The following SEMA3A variants were observed in gnomAD, a reference collection of about 807,000 sequenced individuals.
The protein encoded by SEMA3A is semaphorin 3A, also known as semaphorin-3A.
Under a neutral mutation model 97.9 loss-of-function variants are expected in SEMA3A, and 29 were observed. That is an observed-to-expected ratio of 0.30 (90% confidence interval 0.22 to 0.40). The LOEUF (loss-of-function observed/expected upper bound fraction) is 0.40. SEMA3A is among the 10% of genes least tolerant of loss of function. SEMA3A has a pLI of 1.00. For missense variants in SEMA3A, 763 were observed against 951.3 expected, an observed-to-expected ratio of 0.80 and a Z score of 2.60; for synonymous variants, 321 against 323.7, an observed-to-expected ratio of 0.99 and a Z score of 0.09.
intron 2 of SEMA3A, among the ~76,000 whole-genome samples, chr7:84,132,359 A>G (rs1212799333): frequency 6.8e-6 from 1 of 147,662 alleles, no homozygotes; most frequent in African/African-American, 2.5e-5. Context: ...ATACTGTGAT[A>G]TATTCTGAGT....
intron 1 of SEMA3A, among the ~76,000 whole-genome samples, chr7:84,146,344 T>C (rs760962803): frequency 1.2e-3 from 180 of 152,272 alleles, no homozygotes; most frequent in Non-Finnish European, 2.8e-4. Flanking sequence ...AGAGCATACA[T>C]GACTTCGCCA....
intron 3 of SEMA3A, among the ~76,000 whole-genome samples, chr7:84,124,746 T>C (rs2116000948): frequency 6.6e-6 from 1 of 152,254 alleles, no homozygotes; most frequent in Admixed American, 6.5e-5. Context: ...TAGCTATTTC[T>C]AAAATCATAT....
intron 1 of SEMA3A, among the ~76,000 whole-genome samples, chr7:84,172,793 G>C (rs1314373711): frequency 6.6e-6 from 1 of 152,198 alleles, no homozygotes; most frequent in Non-Finnish European, 1.5e-5. Flanking sequence ...CAGGCAGCAG[G>C]CTGGATTTAG....
intron 1 of SEMA3A, among the ~76,000 whole-genome samples, chr7:84,387,510 G>A (rs1454325554): frequency 6.6e-6 from 1 of 152,076 alleles, no homozygotes; most frequent in Non-Finnish European, 1.5e-5. Context: ...TTTTGTTTTG[G>A]ACAAAAACCT....
rs1017522662 is a variant in SEMA3A at position 83,959,548 on chromosome 7, G to A, written c.*1823C>T. ...TTTAGGCTTTTGTTTGAAACAAGTG[G>A]CAACAACTTGTTTATTCAAGGCAGT... On this transcript the variant is annotated 3_prime_UTR_variant, in exon 17 of 17. Transcript: ENST00000265362. The A allele has an allele frequency of 2.0e-5, 3 of 151,948 alleles. No individual in the cohort carries two copies. The highest frequency in any genetic ancestry group is 6.6e-5 in the Admixed American group (1 of 15,248). 9.4% of individuals were successfully genotyped at this position (151,948 alleles called of 1,614,324 possible).
chr7:84,054,847 G>A lies in SEMA3A; in HGVS notation c.547+5618C>T, dbSNP rs781731987. 3.1e-3 allele frequency among the ~76,000 whole-genome samples: 471 copies of A among 149,572 alleles called. 3 individuals carry two copies. Among genetic ancestry groups the A allele is most frequent in the Admixed American group, 5.6e-3 (83 of 14,920 alleles). ...CATCTTTGTGGTTTTATCTACTTTT[G>A]GTCTTTGATGATGGTGATGCACAGA... On this transcript the variant is annotated intron_variant, in intron 5 of 16. Transcript: ENST00000265362.
At chr7:84,026,993 T>TA (rs1791571186) in intron 6 of SEMA3A, among the ~76,000 whole-genome samples, 1 of 151,736 alleles carries the variant, frequency 6.6e-6, no homozygotes, top group Admixed American at 6.6e-5. Flanking sequence ...CCCCCAAACC[T>TA]AAAATAAAAG....
intron 4 of SEMA3A, among the ~76,000 whole-genome samples, chr7:84,073,456 A>C (rs1020035600): frequency 6.6e-6 from 1 of 152,216 alleles, no homozygotes; most frequent in African/African-American, 2.4e-5. Context: ...GACAATGAGG[A>C]ATACATACAT....
intron 4 of SEMA3A, among the ~76,000 whole-genome samples, chr7:84,075,625 T>G (rs984494634): frequency 8.6e-5 from 13 of 151,786 alleles, no homozygotes; most frequent in African/African-American, 3.1e-4. Flanking sequence ...CCCCACTAAT[T>G]TTTGTAGTTT....
rs189831434 is a variant in SEMA3A at position 84,146,717 on chromosome 7, T to C, written c.113-11766A>G. ...GTGAGATGATTAGTCAGTAAAAATT[T>C]AGAATTAAAGTGTAGATTCTTCTTT... On this transcript the variant is annotated intron_variant, in intron 1 of 16. Transcript: ENST00000265362. Among the ~76,000 whole-genome samples, 6 of 152,336 alleles carry C rather than the reference T, an allele frequency of 3.9e-5. No individual in the cohort carries two copies. The East Asian group carries it at 1.2e-3, about 29-fold the overall frequency.
intron 1 of SEMA3A, among the ~76,000 whole-genome samples, chr7:84,376,000 T>C (rs2116118566): frequency 6.6e-6 from 1 of 152,316 alleles, no homozygotes; most frequent in African/African-American, 2.4e-5. Flanking sequence ...GTTCCATCCA[T>C]GTCCTTACAT....
At chr7:84,311,015 T>C (rs1801300515) in intron 2 of SEMA3A, among the ~76,000 whole-genome samples, 1 of 151,122 alleles carries the variant, frequency 6.6e-6, no homozygotes. Context: ...TATATATATA[T>C]ATTTCTAATG....
intron 3 of SEMA3A, among the ~76,000 whole-genome samples, chr7:84,228,474 T>A (rs1323712148): frequency 2.0e-5 from 3 of 152,114 alleles, no homozygotes; most frequent in African/African-American, 7.2e-5. Flanking sequence ...CCTCTCTCTA[T>A]CTTGTTTATC....
chr7:84,001,971 TC>T lies in SEMA3A; in HGVS notation c.1435del (p.Glu479LysfsTer2). ...WYDLEEVLLE[E>X]MTVFREPTAI... ...AGCACTCACCCGAAAAACTGTCATT[TC>T]TTCCAGCAGAACCTCTTCTAAATCA... On this transcript the variant is annotated frameshift_variant, in exon 12 of 17. Coordinates refer to ENST00000265362, the MANE Select transcript of SEMA3A (RefSeq NM_006080.3). LOFTEE classifies it high-confidence loss of function. The T allele has an allele frequency of 6.2e-7, 1 of 1,612,206 alleles. No homozygotes were observed. Among genetic ancestry groups the T allele is most frequent in the Non-Finnish European group, 8.5e-7 (1 of 1,178,684 alleles).
chr7:84,151,341 A>C lies in SEMA3A; in HGVS notation c.113-16390T>G, dbSNP rs569258453. On this transcript the variant is annotated intron_variant, in intron 1 of 16. Transcript: ENST00000265362. ...AAAGGCAAAGAAATTGAAAACTTTG[A>C]AAAAAATTTAGAAGAATGTATAACT... is the stretch of plus-strand genomic sequence containing the variant. 9.6e-3 allele frequency among the ~76,000 whole-genome samples: 1,453 copies of C among 151,254 alleles called. 25 individuals carry two copies. Among genetic ancestry groups the C allele is most frequent in the African/African-American group, 0.033 (1,352 of 41,396 alleles).
At chr7:84,229,042 A>G (rs938271118) in intron 3 of SEMA3A, among the ~76,000 whole-genome samples, 9 of 151,946 alleles carry the variant, frequency 5.9e-5, no homozygotes, top group African/African-American at 1.9e-4. Flanking sequence ...TGTCTTTCAT[A>G]TCTCCTTTTT....
chr7:84,243,613 A>AT (rs140021880), intron 3 of SEMA3A, among the ~76,000 whole-genome samples: 11,118 of 151,622 alleles, frequency 0.073, 1,391 homozygotes, highest in African/African-American at 0.25. Context: ...GGATTCATTG[A>AT]TTTTTTTTGT....
intron 4 of SEMA3A, among the ~76,000 whole-genome samples, chr7:84,096,282 T>C (rs1226158032): frequency 1.3e-5 from 2 of 152,052 alleles, no homozygotes; most frequent in African/African-American, 4.8e-5. Flanking sequence ...GAGTTTAAAT[T>C]TTCTATATTA....
upstream of SEMA3A, among the ~76,000 whole-genome samples, chr7:84,198,153 T>G (rs1331431747): frequency 6.6e-6 from 1 of 152,172 alleles, no homozygotes; most frequent in Non-Finnish European, 1.5e-5. Context: ...CACTTACTAC[T>G]TTTTAAAAGT....
Sources: allele counts gnomAD v4.1 joint callset (sites outside exome capture counted in the v4.1 genomes callset), GRCh38; gene constraint gnomAD v4.1.1; transcripts MANE v1.5; gene names NCBI Gene and HGNC (gene_info 2026-07-23, HGNC 2026-07-21).